Variants in PLEKHD1 observed in about 807,000 individuals in gnomAD.
PLEKHD1 encodes pleckstrin homology and coiled-coil domain containing D1.
In PLEKHD1, 51 loss-of-function variants were observed where a neutral mutation model predicts 69.2. The observed-to-expected ratio is 0.74, with a 90% CI of 0.59 to 0.93. The LOEUF (loss-of-function observed/expected upper bound fraction) is 0.93. Among genes scored for constraint, PLEKHD1 ranks in the 40% least tolerant of loss-of-function variants. The pLI, the probability that PLEKHD1 is intolerant of heterozygous loss-of-function variation, is 0.00. For missense variants in PLEKHD1, 584 were observed against 641.0 expected (o/e 0.91, Z 0.96); for synonymous variants, 236 against 244.7 (o/e 0.96, Z 0.33).
intron 1 of PLEKHD1, among the ~76,000 whole-genome samples, chr14:69,492,284 C>T (rs1199188831): frequency 6.6e-6 from 1 of 152,204 alleles, no homozygotes; most frequent in Non-Finnish European, 1.5e-5. Flanking sequence ...TCCAAATTCC[C>T]AAGATACTCC....
Position 69,500,628 on chromosome 14 carries a change from A to G in PLEKHD1, c.295A>G (p.Met99Val). The G allele has an allele frequency of 6.4e-7, 1 of 1,551,440 alleles. No homozygotes were observed. The highest frequency in any genetic ancestry group is 8.7e-7 in the Non-Finnish European group (1 of 1,146,892). Residue 99 changes from methionine to valine, a missense_variant, in exon 3 of 13, where the codon ATG becomes GTG. Met to Val is a conservative substitution (Grantham distance 21). Transcript: ENST00000322564. ...CLVEPKEEPS[M>V]PYAMKISHQD... Reference sequence around the variant, plus strand: ...GGTGGAGCCCAAGGAAGAGCCTAGCATGCCCTATGCCATGAAGATCTCCCA... The same window carrying G: ...GGTGGAGCCCAAGGAAGAGCCTAGCGTGCCCTATGCCATGAAGATCTCCCA...
At chr14:69,523,214 G>A (rs568405143) in intron 7 of PLEKHD1, among the ~76,000 whole-genome samples, 33 of 152,280 alleles carry the variant, frequency 2.2e-4, no homozygotes, top group African/African-American at 7.9e-4. Context: ...TTACAGGTGT[G>A]AGCCACCGCA....
At chr14:69,505,676 C>T (rs1334201309) in intron 6 of PLEKHD1, among the ~76,000 whole-genome samples, 1 of 152,160 alleles carries the variant, frequency 6.6e-6, no homozygotes, top group Non-Finnish European at 1.5e-5. Context: ...AGGGTTGCTG[C>T]GAGGCCCAAT....
At chr14:69,486,859 T>A (rs1297352800) in intron 1 of PLEKHD1, among the ~76,000 whole-genome samples, 1 of 152,150 alleles carries the variant, frequency 6.6e-6, no homozygotes, top group Non-Finnish European at 1.5e-5. Context: ...GGCCCCCAGC[T>A]AAAAGCACAA....
In PLEKHD1 at chr14:69,485,120, T is replaced by C; in HGVS notation, c.149+6T>C. On this transcript the variant is annotated splice_donor_region_variant and intron_variant, in intron 1 of 12. Coordinates refer to ENST00000322564, the MANE Select transcript of PLEKHD1 (RefSeq NM_001161498.2). ...TCGGCCAAGTGGTCCCGGCGGTGAG[T>C]GCGCCCCCGCGCCCCAAGGAGACCG... 1 of 1,548,064 alleles carries C rather than the reference T, an allele frequency of 6.5e-7. No homozygotes were observed. Among genetic ancestry groups the C allele is most frequent in the Non-Finnish European group, 8.7e-7 (1 of 1,145,496 alleles).
rs184067502 is a variant in PLEKHD1 at position 69,491,966 on chromosome 14, C to T, written c.149+6852C>T. Among the ~76,000 whole-genome samples, 22 of 152,244 alleles carry T rather than the reference C, an allele frequency of 1.4e-4. No individual in the cohort carries two copies. The East Asian group carries it at 4.2e-3, about 29-fold the overall frequency. On this transcript the variant is annotated intron_variant, in intron 1 of 12. Transcript: ENST00000322564. ...CCAATAAATTTAATTTTCCCTTTGC[C>T]TGGTTGTGGACTTCCCTATGGCTAA...
chr14:69,526,658 C>A (rs750553203), intron 9 of PLEKHD1, 39 bp from the exon 10 acceptor site: 45 of 1,451,800 alleles, frequency 3.1e-5, no homozygotes, highest in Middle Eastern at 1.8e-4. Flanking sequence ...TCCCATTTGG[C>A]GAGTGAGCAT....
chr14:69,518,134 G>A (rs1375725108), intron 6 of PLEKHD1, among the ~76,000 whole-genome samples: 1 of 151,854 alleles, frequency 6.6e-6, no homozygotes, highest in African/African-American at 2.4e-5. Flanking sequence ...CAGACTCAAG[G>A]GATCCTCCTG....
In PLEKHD1 at chr14:69,506,308, G is replaced by A. The variant is rs1046660634; in HGVS notation, c.555+3429G>A. Reference sequence around the variant, plus strand: ...AGACCCAAGATTCAGCAGAACACACGATATAGTAGAGAAAGGTTTGAATTG... The same window carrying A: ...AGACCCAAGATTCAGCAGAACACACAATATAGTAGAGAAAGGTTTGAATTG... On this transcript the variant is annotated intron_variant, in intron 6 of 12. Coordinates refer to ENST00000322564, the MANE Select transcript of PLEKHD1 (RefSeq NM_001161498.2). 3.3e-5 allele frequency among the ~76,000 whole-genome samples: 5 copies of A among 152,252 alleles called. No homozygotes were observed. In the East Asian group the frequency reaches 7.7e-4, roughly 24 times the overall value.
chr14:69,511,787 G>A (rs1235891423), intron 6 of PLEKHD1, among the ~76,000 whole-genome samples: 8 of 152,010 alleles, frequency 5.3e-5, no homozygotes, highest in African/African-American at 1.7e-4. Flanking sequence ...CTGGCCTCAA[G>A]TGATCTGCCT....
intron 7 of PLEKHD1, among the ~76,000 whole-genome samples, chr14:69,523,697 G>T (rs1883573234): frequency 6.6e-6 from 1 of 152,164 alleles, no homozygotes; most frequent in South Asian, 2.1e-4. Flanking sequence ...TGAATACAGG[G>T]CTGAGTGAGA....
chr14:69,469,145 C>G, the PLEKHD1 span, among the ~76,000 whole-genome samples: 1 of 152,112 alleles, frequency 6.6e-6, no homozygotes, highest in African/African-American at 2.4e-5. Context: ...CTCTTCCTTC[C>G]TTTCTTGCAT....
intron 6 of PLEKHD1, among the ~76,000 whole-genome samples, chr14:69,508,344 T>A (rs773681206): frequency 6.0e-5 from 9 of 151,098 alleles, no homozygotes; most frequent in Admixed American, 1.3e-4. Flanking sequence ...AGGCAGAGGT[T>A]ACAGTGAGCC....
intron 1 of PLEKHD1, among the ~76,000 whole-genome samples, chr14:69,488,446 T>C (rs547027136): frequency 4.6e-5 from 7 of 152,290 alleles, no homozygotes; most frequent in African/African-American, 1.7e-4. Flanking sequence ...TTGGTCTCAC[T>C]TTCTGGCACC....
rs775738745 is a variant in PLEKHD1, at chr14:69,522,377, G to A, written c.650G>A (p.Arg217Lys). Residue 217 changes from arginine (R) to lysine (K), a missense_variant and splice_region_variant, in exon 7 of 13, where the codon AGG becomes AAG. Transcript: ENST00000322564. The stretch of plus-strand genomic sequence containing the variant: ...AGAATGGAGCAGGAGCAGATCAAGA[G>A]GTGGTGGTGGTGCCTGGGAATTGGG... ...ELRMEQEQIKRELELTARCLK... is the reference protein window; with the variant it reads ...ELRMEQEQIKKELELTARCLK... 5 of 1,551,202 alleles carry A rather than the reference G, an allele frequency of 3.2e-6. No individual in the cohort carries two copies. The highest frequency in any genetic ancestry group is 2.4e-5 in the South Asian group (2 of 84,036).
At chr14:69,520,066 C>T (rs1218476498) in intron 6 of PLEKHD1, among the ~76,000 whole-genome samples, 3 of 145,874 alleles carry the variant, frequency 2.1e-5, no homozygotes, top group Non-Finnish European at 3.0e-5. Context: ...ACTCGGGAGA[C>T]TGAGACAGGA....
intron 6 of PLEKHD1, among the ~76,000 whole-genome samples, chr14:69,521,583 G>A (rs989533004): frequency 2.6e-5 from 4 of 152,190 alleles, no homozygotes; most frequent in African/African-American, 9.7e-5. Flanking sequence ...CAAATTACGT[G>A]AAATGTGCCC....
chr14:69,487,946 C>T (rs1882690204), intron 1 of PLEKHD1, among the ~76,000 whole-genome samples: 1 of 152,154 alleles, frequency 6.6e-6, no homozygotes, highest in Non-Finnish European at 1.5e-5. Flanking sequence ...CCTCCCAAAT[C>T]CCTGCTGAAC....
At chr14:69,527,447 T>C in intron 11 of PLEKHD1, 115 bp downstream of exon 11, 1 of 1,421,398 alleles carries the variant, frequency 7.0e-7, no homozygotes, top group Non-Finnish European at 9.6e-7. Context: ...AGGTGCTCCC[T>C]GGATATTGAA....
Sources: allele counts gnomAD v4.1 joint callset (sites outside exome capture counted in the v4.1 genomes callset), GRCh38; gene constraint gnomAD v4.1.1; transcripts MANE v1.5; gene names NCBI Gene and HGNC (gene_info 2026-07-23, HGNC 2026-07-21).